Variants in POLDIP2 observed in about 807,000 individuals in gnomAD.
The protein encoded by POLDIP2 is DNA polymerase delta interacting protein 2.
Under a neutral mutation model 52.9 loss-of-function variants are expected in POLDIP2, and 32 were observed. The ratio of observed to expected loss-of-function variants is 0.61; its 90% confidence interval spans 0.46 to 0.81. POLDIP2 has a LOEUF of 0.81. POLDIP2 is among the 40% of genes least tolerant of loss of function. POLDIP2 has a pLI of 0.00. For missense variants in POLDIP2, 371 were observed against 477.3 expected, an observed-to-expected ratio of 0.78 and a Z score of 2.07; for synonymous variants, 183 against 183.0, an observed-to-expected ratio of 1.00 and a Z score of 0.00.
At position 28,352,985 on chromosome 17, in the gene POLDIP2, G is replaced by C; in HGVS notation, c.549C>G (p.Pro183=). The C allele has an allele frequency of 1.5e-6, 2 of 1,348,592 alleles. No homozygotes were observed. The highest frequency in any genetic ancestry group is 2.1e-6 in the Non-Finnish European group (2 of 937,608). The allele number at this position is 1,348,592 out of a possible 1,614,324, so 83.5% of individuals were successfully genotyped here. A position where few individuals can be genotyped will look rare whatever the true frequency, so the allele number is the denominator to read the frequency against. Reference sequence around the variant, plus strand: ...TGGGAACCTGATCAGTGGAGGTGTAGGGGAGGATGTCTTCATGGCTGACAT... The same window carrying C: ...TGGGAACCTGATCAGTGGAGGTGTACGGGAGGATGTCTTCATGGCTGACAT... The part of the protein sequence containing the change: ...LDYVSHEDIL[P]YTSTDQVPIQ... The change falls in exon 6 of 11, where the codon CCC becomes CCG. Residue 183 remains proline (P), a synonymous_variant. Transcript: ENST00000540200.
chr17:28,355,434 C>G (rs1399185015), intron 2 of POLDIP2, among the ~76,000 whole-genome samples: 1 of 152,110 alleles, frequency 6.6e-6, no homozygotes, highest in Non-Finnish European at 1.5e-5. Flanking sequence ...ATGGAGAAAC[C>G]GCATCTCCAC....
chr17:28,350,991 C>T (rs1478744714), intron 7 of POLDIP2, among the ~76,000 whole-genome samples, 199 bp from the exon 8 acceptor site: 2 of 152,144 alleles, frequency 1.3e-5, no homozygotes, highest in African/African-American at 4.8e-5. Flanking sequence ...CACTCCTGGC[C>T]TCCCCACTCC....
At chr17:28,356,744 C>T (rs1036413067) in intron 1 of POLDIP2, among the ~76,000 whole-genome samples, 3 of 152,152 alleles carry the variant, frequency 2.0e-5, no homozygotes, top group Non-Finnish European at 4.4e-5. Context: ...CCCACTGATC[C>T]ACCAGCCCAT....
rs1346268742 is a variant in POLDIP2, at chr17:28,347,173, A to G, written c.*944T>C. 1.3e-5 allele frequency: 2 copies of G among 152,228 alleles called. No individual in the cohort carries two copies. Among genetic ancestry groups the G allele is most frequent in the Non-Finnish European group, 2.9e-5 (2 of 68,056 alleles). 9.4% of individuals were successfully genotyped at this position (152,228 alleles called of 1,614,324 possible). ...AGCTCCCCCTGGAGGACTAAGGACA[A>G]GAATAACAAGGGCTGGAACTGTGAT... On this transcript the variant is annotated 3_prime_UTR_variant, in exon 11 of 11. Coordinates refer to ENST00000540200, the MANE Select transcript of POLDIP2 (RefSeq NM_015584.5).
At position 28,355,862 on chromosome 17, in the gene POLDIP2, C is replaced by T. The variant is rs1555580825; in HGVS notation, c.176G>A (p.Gly59Asp). 2 of 1,612,452 alleles carry T rather than the reference C, an allele frequency of 1.2e-6. No individual in the cohort carries two copies. Among genetic ancestry groups the T allele is most frequent in the Middle Eastern group, 1.7e-4 (1 of 6,058 alleles). The change falls in exon 2 of 11, where the codon GGC (glycine) becomes GAC (aspartate). Residue 59 changes from glycine to aspartate, a missense_variant. Coordinates refer to ENST00000540200, the MANE Select transcript of POLDIP2 (RefSeq NM_015584.5). ...RHLSSRNRPEGKVLETVGVFE... is the reference protein window; with the variant it reads ...RHLSSRNRPEDKVLETVGVFE... ...CACACCAACTGTCTCCAACACTTTGCCCTCTGGTCGGTTTCTGAGTAGGAA... is the reference window on the plus strand; with the variant it reads ...CACACCAACTGTCTCCAACACTTTGTCCTCTGGTCGGTTTCTGAGTAGGAA...
rs1368834456 is a variant in POLDIP2 at position 28,347,041 on chromosome 17, C to T, written c.*1076G>A. The T allele has an allele frequency of 2.6e-5, 4 of 152,172 alleles. No individual in the cohort carries two copies. The highest frequency in any genetic ancestry group is 9.7e-5 in the African/African-American group (4 of 41,422). 9.4% of individuals were successfully genotyped at this position (152,172 alleles called of 1,614,324 possible). On this transcript the variant is annotated 3_prime_UTR_variant, in exon 11 of 11. Coordinates refer to ENST00000540200, the MANE Select transcript of POLDIP2 (RefSeq NM_015584.5). ...AGAGCCATGTTTACAGTGAGCAGGC[C>T]TTGACCAGCTTGCGGCCATGGGCTG...
chr17:28,353,704 G>A lies in POLDIP2; in HGVS notation c.429C>T (p.Cys143=), dbSNP rs1907911435. The change falls in exon 4 of 11, where the codon TGC becomes TGT. Residue 143 remains cysteine, a synonymous_variant. Coordinates refer to ENST00000540200, the MANE Select transcript of POLDIP2 (RefSeq NM_015584.5). ...CATCTTGCTTACTTACTATATGTGG[G>A]CAGTCACGAGCATCAATCAGCACCT... ...YYQVLIDARD[C]PHISQRSQTE... The A allele has an allele frequency of 6.2e-7, 1 of 1,609,112 alleles. No homozygotes were observed. The highest frequency in any genetic ancestry group is 8.5e-7 in the Non-Finnish European group (1 of 1,176,018).
chr17:28,352,504 G>T (rs1907842385), intron 6 of POLDIP2, among the ~76,000 whole-genome samples: 1 of 149,106 alleles, frequency 6.7e-6, no homozygotes, highest in African/African-American at 2.5e-5. Flanking sequence ...CCAAAGTGCT[G>T]GAGTTATAGG....
chr17:28,354,500 G>T lies in POLDIP2; in HGVS notation c.329C>A (p.Ala110Glu). 5 of 1,554,822 alleles carry T rather than the reference G, an allele frequency of 3.2e-6. No individual in the cohort carries two copies. The highest frequency in any genetic ancestry group is 4.4e-6 in the Non-Finnish European group (5 of 1,148,704). The stretch of plus-strand genomic sequence containing the variant: ...CAGGGAAACTTACTTTTCTGGAGCT[G>T]CAGAAGCCACATCCCGGTCATACAG... ...ARLYDRDVASAAPEKAENPAG... is the reference protein window; with the variant it reads ...ARLYDRDVASEAPEKAENPAG... The change falls in exon 3 of 11, where the codon GCA becomes GAA. Residue 110 changes from alanine to glutamate, a missense_variant. Physicochemically the swap from Ala to Glu is moderately radical, Grantham distance 107. Transcript: ENST00000540200.
intron 9 of POLDIP2, among the ~76,000 whole-genome samples, chr17:28,350,086 T>G (rs1907739383): frequency 6.6e-6 from 1 of 151,980 alleles, no homozygotes; most frequent in South Asian, 2.1e-4. Context: ...TTGGTGGGGG[T>G]GTGTGCCCCA....
chr17:28,351,046 C>CA, intron 7 of POLDIP2, among the ~76,000 whole-genome samples: 1 of 152,256 alleles, frequency 6.6e-6, no homozygotes, highest in East Asian at 1.9e-4. Context: ...CAACAGAAAT[C>CA]AGTTACAGGG....
Position 28,347,894 on chromosome 17 carries a change from G to C in POLDIP2, c.*223C>G, listed in dbSNP as rs1040599131. 2 of 530,742 alleles carry C rather than the reference G, an allele frequency of 3.8e-6. No individual in the cohort carries two copies. Among genetic ancestry groups the C allele is most frequent in the Admixed American group, 3.3e-5 (1 of 30,180 alleles). 32.9% of individuals were successfully genotyped at this position (530,742 alleles called of 1,614,324 possible). A position where few individuals can be genotyped will look rare whatever the true frequency, so the allele number is the denominator to read the frequency against. On this transcript the variant is annotated 3_prime_UTR_variant, in exon 11 of 11. Coordinates refer to ENST00000540200, the MANE Select transcript of POLDIP2 (RefSeq NM_015584.5). ...AGTTCCTTGGTGGAGAGGTTTACTG[G>C]AACATGGTGTAGGCAGGGCTTATGA...
In POLDIP2 at chr17:28,352,244, T is replaced by TTTTTTTTTTTG. The variant is rs1907825978; in HGVS notation, c.623-445_623-444insCAAAAAAAAAA. On this transcript the variant is annotated intron_variant, in intron 6 of 10. Transcript: ENST00000540200. ...AGAGCGTTGGAATTATTTCTTTTTT[T>TTTTTTTTTTTG]TTTTTTTTTTTGGAGACGGAGTCTT... 1.5e-5 allele frequency among the ~76,000 whole-genome samples: 2 copies of TTTTTTTTTTTG among 133,824 alleles called. 1 individual carries two copies. Among genetic ancestry groups the TTTTTTTTTTTG allele is most frequent in the African/African-American group, 5.8e-5 (2 of 34,240 alleles). 87.8% of individuals were successfully genotyped at this position (133,824 alleles called of 152,430 possible).
intron 1 of POLDIP2, among the ~76,000 whole-genome samples, chr17:28,356,995 C>T (rs1238870457): frequency 6.6e-6 from 1 of 152,248 alleles, no homozygotes; most frequent in African/African-American, 2.4e-5. Flanking sequence ...TAAAAAGCTT[C>T]CCTCTGACAT....
intron 7 of POLDIP2, among the ~76,000 whole-genome samples, chr17:28,351,120 T>G (rs1907778922): frequency 6.6e-6 from 1 of 152,186 alleles, no homozygotes; most frequent in African/African-American, 2.4e-5. Flanking sequence ...CCTGAGCCCC[T>G]GTCCTCCTCC....
chr17:28,350,600 A>T (rs373011822), intron 8 of POLDIP2, 37 bp from the exon 9 acceptor site: 2 of 1,601,350 alleles, frequency 1.2e-6, no homozygotes, highest in African/African-American at 2.7e-5. Context: ...TAAAAAAAAT[A>T]AAATTTGGGT....
intron 2 of POLDIP2, 89 bp downstream of exon 2, chr17:28,355,706 C>A (rs1399386578): frequency 2.5e-6 from 2 of 794,352 alleles, no homozygotes; most frequent in Non-Finnish European, 4.3e-6. Context: ...GAATGGAACA[C>A]CATACCATGC....
In POLDIP2 at chr17:28,354,589, G is replaced by T. The variant is rs372292896; in HGVS notation, c.244-4C>A. ...CAAAAATGCTATGAAGGAAAAGCTG[G>T]AAGGAAAGAGGGGCCTCAGTGAGTC... On this transcript the variant is annotated splice_region_variant and splice_polypyrimidine_tract_variant and intron_variant, in intron 2 of 10. Transcript: ENST00000540200. 8 of 1,548,774 alleles carry T rather than the reference G, an allele frequency of 5.2e-6. No individual in the cohort carries two copies. The highest frequency in any genetic ancestry group is 7.0e-6 in the Non-Finnish European group (8 of 1,143,550).
Position 28,353,266 on chromosome 17 carries a change from G to A in POLDIP2, c.489C>T (p.Asp163=), listed in dbSNP as rs1375092792. The A allele has an allele frequency of 2.5e-6, 4 of 1,592,810 alleles. No individual in the cohort carries two copies. Among genetic ancestry groups the A allele is most frequent in the Admixed American group, 3.4e-5 (2 of 59,528 alleles). ...CTGGGATGGCATAGAGGGCCCGACT[G>A]TCATCATGGTTAGCCAAGAAGGTCA... The part of the protein sequence containing the change: ...EAVTFLANHD[D]SRALYAIPGL... Residue 163 remains aspartate (D), a synonymous_variant, in exon 5 of 11, where the codon GAC becomes GAT. Transcript: ENST00000540200.
Sources: gnomAD v4.1 joint callset for allele counts (sites outside exome capture counted in the v4.1 genomes callset) on GRCh38, gnomAD v4.1.1 for gene constraint, MANE v1.5 for transcripts, NCBI Gene and HGNC (gene_info 2026-07-23, HGNC 2026-07-21) for gene names.